The following SPTLC2 variants were observed in gnomAD, a reference collection of about 807,000 sequenced individuals.
SPTLC2 encodes serine palmitoyltransferase 2.
A neutral mutation model predicts 62.0 loss-of-function variants in SPTLC2; 21 were observed. That is an observed-to-expected ratio of 0.34 (90% CI 0.24 to 0.49). SPTLC2 has a LOEUF of 0.49. SPTLC2 is among the 20% of genes least tolerant of loss of function. The pLI is 0.99. For synonymous variants in SPTLC2, 261 were observed against 261.8 expected (o/e 1.00, Z 0.03); for missense variants, 511 against 713.0 (o/e 0.72, Z 3.23).
chr14:77,529,250 CTTCTT>C (rs376864115), intron 9 of SPTLC2, among the ~76,000 whole-genome samples: 30,543 of 106,742 alleles, frequency 0.29, 3,709 homozygotes, highest in East Asian at 0.59. Context: ...TTGAAAACTT[CTTCTT>C]TTTTTTTTTT....
chr14:77,511,774 G>A lies in SPTLC2; in HGVS notation c.*510C>T, dbSNP rs150963741. 338 of 177,266 alleles carry A rather than the reference G, an allele frequency of 1.9e-3. No homozygotes were observed. The highest frequency in any genetic ancestry group is 7.7e-3 in the African/African-American group (325 of 42,092). 11.0% of individuals were successfully genotyped at this position (177,266 alleles called of 1,614,324 possible). A position where few individuals can be genotyped will look rare whatever the true frequency, so the allele number is the denominator to read the frequency against. ...AGATTAAAGGGTGAAAACTTCCGTT[G>A]ATTACTTGAATGGTTAAATAAGGAT... On this transcript the variant is annotated 3_prime_UTR_variant, in exon 12 of 12. Coordinates refer to ENST00000216484, the MANE Select transcript of SPTLC2 (RefSeq NM_004863.4).
At chr14:77,522,150 A>G (rs530833534) in intron 9 of SPTLC2, among the ~76,000 whole-genome samples, 2 of 152,040 alleles carry the variant, frequency 1.3e-5, no homozygotes, top group East Asian at 1.9e-4. Context: ...TTTCCTTACA[A>G]TTCTTTTTTT....
intron 11 of SPTLC2, among the ~76,000 whole-genome samples, chr14:77,513,653 T>C (rs1232789259): frequency 2.0e-5 from 3 of 152,056 alleles, no homozygotes; most frequent in Non-Finnish European, 4.4e-5. Context: ...TCCAGCACTT[T>C]GGGAGGCTGA....
chr14:77,599,683 G>C (rs899029317), intron 1 of SPTLC2, among the ~76,000 whole-genome samples: 2 of 152,128 alleles, frequency 1.3e-5, no homozygotes, highest in African/African-American at 2.4e-5. Context: ...GAAAAAGTTT[G>C]GTGTCAATAT....
At chr14:77,589,310 G>A (rs17751876) in intron 2 of SPTLC2, among the ~76,000 whole-genome samples, 11,791 of 151,972 alleles carry the variant, frequency 0.078, 596 homozygotes, top group Admixed American at 0.15. Context: ...CCATGAAAGC[G>A]CAGAATGAGA....
At chr14:77,533,229 G>A (rs1383940612) in intron 9 of SPTLC2, among the ~76,000 whole-genome samples, 1 of 151,540 alleles carries the variant, frequency 6.6e-6, no homozygotes, top group African/African-American at 2.4e-5. Context: ...GAACCCAGGA[G>A]GCAGAGGTTG....
rs113209668 is a variant in SPTLC2, at chr14:77,538,579, C to CT, written c.1303+13516dup. On this transcript the variant is annotated intron_variant, in intron 9 of 11. Transcript: ENST00000216484. ...TAGTTTTAATTTGGTTCTATATAAA[C>CT]TTTTTTTTTGAGACAGAGTCTTGCT... Among the ~76,000 whole-genome samples, 1,173 of 151,706 alleles carry CT rather than the reference C, an allele frequency of 7.7e-3. 21 individuals carry two copies. Among genetic ancestry groups the CT allele is most frequent in the African/African-American group, 0.026 (1,095 of 41,358 alleles).
intron 9 of SPTLC2, among the ~76,000 whole-genome samples, chr14:77,541,314 A>G (rs901393559): frequency 6.6e-6 from 1 of 152,220 alleles, no homozygotes; most frequent in Non-Finnish European, 1.5e-5. Context: ...TGGTAGGATT[A>G]CAGGTTTAAG....
intron 5 of SPTLC2, among the ~76,000 whole-genome samples, chr14:77,568,092 G>A (rs1009971927): frequency 3.6e-4 from 55 of 152,064 alleles, no homozygotes; most frequent in African/African-American, 1.2e-3. Context: ...CTGTATAAAC[G>A]TTTAATGCTA....
intron 9 of SPTLC2, among the ~76,000 whole-genome samples, chr14:77,528,078 T>G (rs1050020992): frequency 1.3e-5 from 2 of 152,242 alleles, no homozygotes; most frequent in African/African-American, 4.8e-5. Context: ...ACACAGCTCC[T>G]AATCTTCTTA....
intron 9 of SPTLC2, among the ~76,000 whole-genome samples, chr14:77,534,216 A>ACACACGCACACACG (rs1208421770): frequency 6.8e-6 from 1 of 146,478 alleles, no homozygotes; most frequent in Non-Finnish European, 1.5e-5. Flanking sequence ...ACACACACAC[A>ACACACGCACACACG]CACAAATGCA....
Position 77,507,287 on chromosome 14 carries a change from G to C in SPTLC2, c.*4997C>G, listed in dbSNP as rs1020347812. 4 of 151,566 alleles carry C rather than the reference G, an allele frequency of 2.6e-5. No individual in the cohort carries two copies. Among genetic ancestry groups the C allele is most frequent in the African/African-American group, 9.7e-5 (4 of 41,198 alleles). 9.4% of individuals were successfully genotyped at this position (151,566 alleles called of 1,614,324 possible). On this transcript the variant is annotated 3_prime_UTR_variant, in exon 12 of 12. Coordinates refer to ENST00000216484, the MANE Select transcript of SPTLC2 (RefSeq NM_004863.4). Reference sequence around the variant, plus strand: ...ATAGGGAAGCCAGCCCTCTAATTTGGCTCTCTGGCTGGGCACATGGCAATG... The same window carrying C: ...ATAGGGAAGCCAGCCCTCTAATTTGCCTCTCTGGCTGGGCACATGGCAATG...
At chr14:77,513,623 G>A (rs1178011307) in intron 11 of SPTLC2, among the ~76,000 whole-genome samples, 2 of 152,140 alleles carry the variant, frequency 1.3e-5, no homozygotes, top group African/African-American at 2.4e-5. Flanking sequence ...GCCGGGCGCG[G>A]TGGCTCATGT....
At position 77,570,399 on chromosome 14, in the gene SPTLC2, A is replaced by G. The variant is rs1306176907; in HGVS notation, c.741T>C (p.Pro247=). The change falls in exon 5 of 12, where the codon CCT becomes CCC. Residue 247 remains proline, a synonymous_variant. Transcript: ENST00000216484. The part of the protein sequence containing the change: ...MGFATNSMNI[P]ALVGKGCLIL... ...AGTATCTTACTTTGCCAACAAGAGC[A>G]GGAATGTTCATTGAATTCGTTGCAA... 1 of 1,613,668 alleles carries G rather than the reference A, an allele frequency of 6.2e-7. No homozygotes were observed. The highest frequency in any genetic ancestry group is 8.5e-7 in the Non-Finnish European group (1 of 1,179,990).
rs750841544 is a variant in SPTLC2, at chr14:77,557,036, A to G, written c.956+5T>C. 5 of 1,611,146 alleles carry G rather than the reference A, an allele frequency of 3.1e-6. No homozygotes were observed. The highest frequency in any genetic ancestry group is 4.2e-6 in the Non-Finnish European group (5 of 1,177,504). On this transcript the variant is annotated splice_donor_5th_base_variant and intron_variant, in intron 7 of 11. Coordinates refer to ENST00000216484, the MANE Select transcript of SPTLC2 (RefSeq NM_004863.4). The stretch of plus-strand genomic sequence containing the variant: ...ACAAAGGTAAGAATAATAAAGCAGG[A>G]TTACCTATATATTCCTTCCACAAGG...
intron 2 of SPTLC2, among the ~76,000 whole-genome samples, chr14:77,592,136 C>T (rs1023941514): frequency 2.7e-5 from 4 of 150,400 alleles, no homozygotes; most frequent in African/African-American, 7.3e-5. Flanking sequence ...ATTCTTAGTA[C>T]GCTACTTTTT....
intron 10 of SPTLC2, among the ~76,000 whole-genome samples, chr14:77,519,487 C>T (rs144884391): frequency 0.011 from 1,708 of 152,088 alleles, 33 homozygotes; most frequent in African/African-American, 0.039. Flanking sequence ...GAGGCCGAGG[C>T]GGGCAGATCA....
chr14:77,517,425 C>A (rs7160005), intron 11 of SPTLC2, among the ~76,000 whole-genome samples: 28,898 of 152,076 alleles, frequency 0.19, 3,315 homozygotes, highest in African/African-American at 0.32. Context: ...ATGAGAATAT[C>A]TTGAGATAAT....
intron 6 of SPTLC2, among the ~76,000 whole-genome samples, chr14:77,560,326 GC>G (rs1157770168): frequency 6.6e-6 from 1 of 152,076 alleles, no homozygotes; most frequent in African/African-American, 2.4e-5. Context: ...GGTGGCTTAT[GC>G]CTATAATCCC....
Sources: gnomAD v4.1 joint callset for allele counts (sites outside exome capture counted in the v4.1 genomes callset) on GRCh38, gnomAD v4.1.1 for gene constraint, MANE v1.5 for transcripts, NCBI Gene and HGNC (gene_info 2026-07-23, HGNC 2026-07-21) for gene names.